The following ESR2 variants were observed in gnomAD, a reference collection of about 807,000 sequenced individuals.
ESR2 encodes the protein estrogen receptor beta.
Under a neutral mutation model 49.6 loss-of-function variants are expected in ESR2, and 36 were observed. The ratio of observed to expected loss-of-function variants is 0.73; its 90% CI spans 0.56 to 0.96. The LOEUF is 0.96. Among genes scored for constraint, ESR2 ranks in the 40% least tolerant of loss-of-function variants. ESR2 has a pLI of 0.00. For missense variants in ESR2, 714 were observed against 693.0 expected (o/e 1.03, Z -0.34); for synonymous variants, 320 against 266.1 (o/e 1.20, Z -1.97).
chr14:64,283,530 G>A (rs2076723203), intron 1 of ESR2, among the ~76,000 whole-genome samples: 2 of 152,078 alleles, frequency 1.3e-5, no homozygotes, highest in African/African-American at 2.4e-5. Context: ...AGGCTGAGGT[G>A]GGCAGATTAC....
chr14:64,254,322 T>C (rs760659176), intron 6 of ESR2, among the ~76,000 whole-genome samples: 3 of 152,208 alleles, frequency 2.0e-5, no homozygotes, highest in Non-Finnish European at 4.4e-5. Context: ...TCCTGACTTT[T>C]TGAATGAGCA....
intron 7 of ESR2, among the ~76,000 whole-genome samples, chr14:64,248,613 T>C (rs545628662): frequency 1.3e-5 from 2 of 152,310 alleles, no homozygotes; most frequent in Non-Finnish European, 2.9e-5. Context: ...TTCTTCCTTG[T>C]ATGTTTTTCT....
intron 3 of ESR2, among the ~76,000 whole-genome samples, chr14:64,272,014 C>G (rs2076457314): frequency 6.6e-6 from 1 of 152,306 alleles, no homozygotes; most frequent in South Asian, 2.1e-4. Context: ...AATTTACAAT[C>G]TGACCAACAG....
rs1472872146 is a variant in ESR2 at position 64,230,932 on chromosome 14, C to G, written c.*2205G>C. The G allele has an allele frequency of 1.4e-5, 2 of 141,916 alleles. No individual in the cohort carries two copies. The highest frequency in any genetic ancestry group is 3.0e-5 in the Non-Finnish European group (2 of 66,508). The allele number at this position is 141,916 out of a possible 1,614,324, so 8.8% of individuals were successfully genotyped here. ...TTTTTTTTTTTGAGACAGGGTCTCC[C>G]TCTGTCACCCAGGCTGGAGTGCAAT... On this transcript the variant is annotated 3_prime_UTR_variant, in exon 9 of 9. Transcript: ENST00000341099.
At chr14:64,310,286 A>AAAAAAAAAAAAAAAATAAAT (rs1555595498) in intron 1 of ESR2, among the ~76,000 whole-genome samples, 2 of 142,468 alleles carry the variant, frequency 1.4e-5, no homozygotes, top group African/African-American at 5.3e-5. Flanking sequence ...TCGTCTCAAA[A>AAAAAAAAAAAAAAAATAAAT]AATAATAATA....
chr14:64,280,312 G>C (rs2076639618), intron 2 of ESR2, among the ~76,000 whole-genome samples, 159 bp from the exon 3 acceptor site: 1 of 152,188 alleles, frequency 6.6e-6, no homozygotes, highest in South Asian at 2.1e-4. Context: ...CAAAGCTTTT[G>C]ATACTGATAT....
At position 64,324,362 on chromosome 14, in the gene ESR2, T is replaced by C. The variant is rs527443894; in HGVS notation, c.-91+13536A>G. ...AAAATTAGAAGCATAACTCTAAGGA[T>C]TTTTCCCCCTCACTTTTCCAATGTT... On this transcript the variant is annotated intron_variant, in intron 1 of 8. Coordinates refer to the ESR2 transcript ENST00000358599. 3.9e-5 allele frequency among the ~76,000 whole-genome samples: 6 copies of C among 152,302 alleles called. No homozygotes were observed. In the South Asian group the frequency reaches 1.2e-3, roughly 32 times the overall value.
chr14:64,313,530 C>CAAAAA (rs60380584), intron 1 of ESR2, among the ~76,000 whole-genome samples: 11 of 107,452 alleles, frequency 1.0e-4, no homozygotes, highest in Non-Finnish European at 1.3e-4. Context: ...GAGGCTCTGT[C>CAAAAA]AAAAAAAAAA....
rs140514427 is a variant in ESR2, at chr14:64,283,060, T to C, written c.-75A>G. 3 of 1,471,490 alleles carry C rather than the reference T, an allele frequency of 2.0e-6. No homozygotes were observed. In the African/African-American group the frequency reaches 4.2e-5, roughly 21 times the overall value. 91.2% of individuals were successfully genotyped at this position (1,471,490 alleles called of 1,614,324 possible). A position where few individuals can be genotyped will look rare whatever the true frequency, so the allele number is the denominator to read the frequency against. On this transcript the variant is annotated 5_prime_UTR_variant, in exon 2 of 9. Transcript: ENST00000341099. ...TCATTATAATGTTCTCAAAGATTCG[T>C]GGGCAAGTATAATGGCTGTAAAGAA... is the stretch of plus-strand genomic sequence containing the variant.
At position 64,231,899 on chromosome 14, in the gene ESR2, T is replaced by G. The variant is rs755082238; in HGVS notation, c.*1238A>C. ...TCTTCATGTCCTATTTATGTTCCAC[T>G]TGGAATAAGAACTAATATTTTTACT... On this transcript the variant is annotated 3_prime_UTR_variant, in exon 9 of 9. Transcript: ENST00000341099. The G allele has an allele frequency of 1.3e-5, 2 of 152,218 alleles. No individual in the cohort carries two copies. The highest frequency in any genetic ancestry group is 2.9e-5 in the Non-Finnish European group (2 of 68,042). 9.4% of individuals were successfully genotyped at this position (152,218 alleles called of 1,614,324 possible).
At chr14:64,309,930 CA>C (rs1264043606) in intron 1 of ESR2, among the ~76,000 whole-genome samples, 1 of 151,596 alleles carries the variant, frequency 6.6e-6, no homozygotes, top group East Asian at 2.0e-4. Context: ...AATAAAAATA[CA>C]AAAAATTAGC....
intron 3 of ESR2, among the ~76,000 whole-genome samples, chr14:64,276,977 G>A (rs940514865): frequency 5.3e-5 from 8 of 152,170 alleles, no homozygotes; most frequent in Admixed American, 2.0e-4. Flanking sequence ...TGCATCCGTA[G>A]AGCCTGGTAC....
chr14:64,314,877 CAAAAAAAAAAAAA>C (rs1179436563), intron 1 of ESR2, among the ~76,000 whole-genome samples: 2 of 20,504 alleles, frequency 9.8e-5, no homozygotes, highest in African/African-American at 1.4e-4. Flanking sequence ...GACTCCGTCT[CAAAAAAAAAAAAA>C]AAAAAAAAAA....
chr14:64,298,992 GA>G (rs77353728), upstream of ESR2, among the ~76,000 whole-genome samples: 9,998 of 108,142 alleles, frequency 0.092, 735 homozygotes, highest in African/African-American at 0.23. Flanking sequence ...ACCCAGTTAA[GA>G]AAAAAAAAAA....
intron 7 of ESR2, among the ~76,000 whole-genome samples, chr14:64,235,491 G>A (rs1432626449): frequency 2.0e-5 from 3 of 152,212 alleles, no homozygotes; most frequent in African/African-American, 7.2e-5. Context: ...ATACAGAGAT[G>A]GTCAGAAAGT....
intron 3 of ESR2, among the ~76,000 whole-genome samples, chr14:64,271,842 G>T (rs1422229402): frequency 6.6e-6 from 1 of 152,176 alleles, no homozygotes. Context: ...CTTGGCTATT[G>T]TGAACAGCGC....
chr14:64,322,327 G>C lies in ESR2; in HGVS notation c.-91+15571C>G, dbSNP rs1020807166. On this transcript the variant is annotated intron_variant, in intron 1 of 8. Transcript: ENST00000358599. ...ACCCACCTTGACCTCCCAAAGTGCT[G>C]GGATTACAGGCATGTGCCACTGCAC... 3.9e-5 allele frequency among the ~76,000 whole-genome samples: 6 copies of C among 152,184 alleles called. 1 individual carries two copies. The highest frequency in any genetic ancestry group is 4.2e-4 in the South Asian group (2 of 4,818).
At chr14:64,315,606 C>A (rs922064618) in intron 1 of ESR2, among the ~76,000 whole-genome samples, 1 of 151,690 alleles carries the variant, frequency 6.6e-6, no homozygotes, top group East Asian at 1.9e-4. Context: ...TCCTGAGTAG[C>A]TGGGACTACA....
chr14:64,227,651 G>A, downstream of ESR2: 1 of 1,613,654 alleles, frequency 6.2e-7, no homozygotes, highest in Non-Finnish European at 8.5e-7. Context: ...AAGTTGCAGT[G>A]AAAGGAAGTG....
Sources: allele counts gnomAD v4.1 joint callset (sites outside exome capture counted in the v4.1 genomes callset), GRCh38; gene constraint gnomAD v4.1.1; transcripts MANE v1.5; gene names NCBI Gene and HGNC (gene_info 2026-07-23, HGNC 2026-07-21).